Variants in LARGE1 observed in about 807,000 individuals in gnomAD.
LARGE1 encodes the protein LARGE xylosyl- and glucuronyltransferase 1, also known as xylosyl- and glucuronyltransferase LARGE1.
LARGE1 carries 43 observed loss-of-function variants against 87.6 expected under a neutral mutation model. The ratio of observed to expected loss-of-function variants is 0.49; its 90% CI spans 0.38 to 0.63. LARGE1 has a LOEUF of 0.63. Ranked by LOEUF, LARGE1 falls within the 30% of genes least tolerant of loss-of-function variation. LARGE1 has a pLI of 0.00. For synonymous variants in LARGE1, 434 were observed against 394.6 expected (o/e 1.10, Z -1.18); for missense variants, 802 against 1,000.2 (o/e 0.80, Z 2.67).
intron 11 of LARGE1, among the ~76,000 whole-genome samples, chr22:33,314,991 C>T (rs1480748523): frequency 2.6e-5 from 4 of 152,140 alleles, no homozygotes; most frequent in Non-Finnish European, 5.9e-5. Context: ...GGGAGGATCA[C>T]GAGGTCAGGA....
chr22:33,460,813 T>G (rs1487853995), intron 6 of LARGE1, among the ~76,000 whole-genome samples: 1 of 152,120 alleles, frequency 6.6e-6, no homozygotes, highest in East Asian at 1.9e-4. Context: ...AAGGAGCCAG[T>G]TCTATAGGAA....
intron 7 of LARGE1, among the ~76,000 whole-genome samples, chr22:33,398,765 G>A (rs762453930): frequency 1.3e-5 from 2 of 152,128 alleles, no homozygotes; most frequent in Non-Finnish European, 2.9e-5. Context: ...GTCCTTATAA[G>A]AAGAAGAGAT....
At chr22:33,509,148 C>T (rs1349627762) in intron 6 of LARGE1, among the ~76,000 whole-genome samples, 1 of 152,170 alleles carries the variant, frequency 6.6e-6, no homozygotes, top group Non-Finnish European at 1.5e-5. Flanking sequence ...GCATTATAAT[C>T]ACTGAGGGCC....
intron 6 of LARGE1, among the ~76,000 whole-genome samples, chr22:33,435,888 G>GA (rs141678409): frequency 0.012 from 1,853 of 152,160 alleles, 23 homozygotes; most frequent in Admixed American, 0.024. Context: ...CCATTGGTGA[G>GA]AAAAAAACAG....
chr22:33,720,772 A>G (rs552958780), intron 2 of LARGE1, among the ~76,000 whole-genome samples: 8 of 152,318 alleles, frequency 5.3e-5, no homozygotes, highest in Middle Eastern at 3.4e-3. Flanking sequence ...AGAAGTGTAG[A>G]CTGACTTAAG....
chr22:33,859,834 G>A (rs1003625866), intron 1 of LARGE1, among the ~76,000 whole-genome samples: 4 of 152,198 alleles, frequency 2.6e-5, no homozygotes, highest in Admixed American at 2.6e-4. Context: ...ACCATGTGAT[G>A]TAAACTTTGA....
intron 9 of LARGE1, among the ~76,000 whole-genome samples, chr22:33,356,937 CT>C (rs1335519922): frequency 1.3e-5 from 2 of 152,180 alleles, no homozygotes; most frequent in Non-Finnish European, 2.9e-5. Context: ...AAATTAGTAT[CT>C]CTATGGAAAA....
the LARGE1 span, among the ~76,000 whole-genome samples, chr22:33,129,982 T>C: frequency 2.6e-5 from 4 of 152,156 alleles, no homozygotes; most frequent in Non-Finnish European, 4.4e-5. Context: ...TAAAAGCGTA[T>C]GTGAGCTCTA....
chr22:33,590,651 G>A (rs374034020), intron 5 of LARGE1, among the ~76,000 whole-genome samples: 4 of 152,068 alleles, frequency 2.6e-5, no homozygotes, highest in Non-Finnish European at 4.4e-5. Context: ...GCAGTCTTTC[G>A]GTCTGGCTTT....
the LARGE1 span, among the ~76,000 whole-genome samples, chr22:33,106,396 A>G: frequency 6.6e-6 from 1 of 152,358 alleles, no homozygotes; most frequent in East Asian, 1.9e-4. Context: ...AGAATGAGGA[A>G]CGGTTCACAA....
intron 13 of LARGE1, among the ~76,000 whole-genome samples, chr22:33,279,739 C>A (rs571924818): frequency 2.0e-5 from 3 of 152,202 alleles, no homozygotes; most frequent in Non-Finnish European, 4.4e-5. Context: ...ATGTCAATTT[C>A]GGGCATGATC....
At chr22:33,425,578 G>A (rs545277533) in intron 7 of LARGE1, among the ~76,000 whole-genome samples, 6 of 152,306 alleles carry the variant, frequency 3.9e-5, no homozygotes, top group South Asian at 4.1e-4. Flanking sequence ...TATTGAGCAC[G>A]ATGTCAGAAG....
chr22:33,574,679 T>C (rs1429973935), intron 5 of LARGE1, among the ~76,000 whole-genome samples: 2 of 147,608 alleles, frequency 1.4e-5, no homozygotes, highest in African/African-American at 2.5e-5. Context: ...CACAGAGATA[T>C]AAACAATTGT....
At chr22:33,838,152 T>G (rs2063163085) in intron 1 of LARGE1, among the ~76,000 whole-genome samples, 1 of 152,244 alleles carries the variant, frequency 6.6e-6, no homozygotes, top group Non-Finnish European at 1.5e-5. Flanking sequence ...AAAGCCATTC[T>G]TAGCTCATGG....
At chr22:33,311,022 A>G (rs915999224) in intron 11 of LARGE1, among the ~76,000 whole-genome samples, 5 of 150,212 alleles carry the variant, frequency 3.3e-5, no homozygotes, top group African/African-American at 4.9e-5. Context: ...GTGCAGTGGC[A>G]CGATCTCAGC....
chr22:33,830,314 G>A (rs945392034), intron 1 of LARGE1, among the ~76,000 whole-genome samples: 3 of 152,210 alleles, frequency 2.0e-5, no homozygotes, highest in African/African-American at 7.2e-5. Flanking sequence ...CTACAGTGAA[G>A]AAGAAACCAA....
intron 1 of LARGE1, among the ~76,000 whole-genome samples, chr22:33,879,332 C>T (rs926527924): frequency 5.9e-5 from 9 of 152,138 alleles, no homozygotes; most frequent in Non-Finnish European, 1.3e-4. Flanking sequence ...CAGGAGGGGT[C>T]ACAACATCCC....
At chr22:33,794,153 G>A (rs951778401) in intron 1 of LARGE1, among the ~76,000 whole-genome samples, 3 of 152,158 alleles carry the variant, frequency 2.0e-5, no homozygotes, top group South Asian at 2.1e-4. Context: ...TCAAGTCTGC[G>A]ACGTATGTAG....
At chr22:33,301,912 T>G (rs1934200316) in intron 12 of LARGE1, among the ~76,000 whole-genome samples, 1 of 152,202 alleles carries the variant, frequency 6.6e-6, no homozygotes, top group Non-Finnish European at 1.5e-5. Flanking sequence ...TCATACGTAT[T>G]GCTTTTTAAA....
Sources: gnomAD v4.1 joint callset for allele counts (sites outside exome capture counted in the v4.1 genomes callset) on GRCh38, gnomAD v4.1.1 for gene constraint, MANE v1.5 for transcripts, NCBI Gene and HGNC (gene_info 2026-07-23, HGNC 2026-07-21) for gene names.